SNTB1: variants seen among roughly 807,000 people sequenced by gnomAD.
SNTB1 encodes syntrophin beta 1.
A neutral mutation model predicts 48.9 loss-of-function variants in SNTB1; 36 were observed. The ratio of observed to expected loss-of-function variants is 0.74; its 90% CI spans 0.56 to 0.97. The LOEUF is 0.97. Among genes scored for constraint, SNTB1 ranks in the 50% least tolerant of loss-of-function variants. SNTB1 has a pLI of 0.00. For missense variants in SNTB1, 786 were observed against 703.4 expected (o/e 1.12, Z -1.33); for synonymous variants, 299 against 294.6 (o/e 1.01, Z -0.15).
chr8:120,686,335 T>C (rs899656437), intron 2 of SNTB1, among the ~76,000 whole-genome samples: 43 of 152,200 alleles, frequency 2.8e-4, no homozygotes, highest in Non-Finnish European at 8.8e-5. Context: ...TAAATTTTTT[T>C]CTCACAATTC....
At chr8:120,732,445 A>C (rs1390965428) in intron 1 of SNTB1, among the ~76,000 whole-genome samples, 1 of 152,230 alleles carries the variant, frequency 6.6e-6, no homozygotes, top group Admixed American at 6.5e-5. Flanking sequence ...TTGAGCATGA[A>C]AAGTTTCCTT....
intron 1 of SNTB1, among the ~76,000 whole-genome samples, chr8:120,742,494 G>A (rs73323123): frequency 6.6e-6 from 1 of 152,270 alleles, no homozygotes. Context: ...CAAAGGGATC[G>A]AGTCACAGGA....
chr8:120,601,526 A>G (rs1290928939), intron 3 of SNTB1, among the ~76,000 whole-genome samples: 2 of 152,194 alleles, frequency 1.3e-5, no homozygotes, highest in African/African-American at 4.8e-5. Context: ...TCAAAGACAC[A>G]GTTTTAAAGT....
chr8:120,696,784 A>G (rs1228229752), intron 1 of SNTB1, among the ~76,000 whole-genome samples: 1 of 152,256 alleles, frequency 6.6e-6, no homozygotes, highest in Non-Finnish European at 1.5e-5. Flanking sequence ...GTAAAGTTAT[A>G]TGGCTAGTAA....
rs539053079 is a variant in SNTB1, at chr8:120,538,814, T to C, written c.*63A>G. ...TGCGCTGCTCACTACAGATGGTGTC[T>C]GACATCACGTTCTCTGGTGGCATTG... On this transcript the variant is annotated 3_prime_UTR_variant, in exon 7 of 7. Transcript: ENST00000517992. 70 of 1,317,202 alleles carry C rather than the reference T, an allele frequency of 5.3e-5. 1 individual carries two copies. Among genetic ancestry groups the C allele is most frequent in the Non-Finnish European group, 7.3e-5 (66 of 909,836 alleles). The allele number at this position is 1,317,202 out of a possible 1,614,324, so 81.6% of individuals were successfully genotyped here. A position where few individuals can be genotyped will look rare whatever the true frequency, so the allele number is the denominator to read the frequency against.
intron 1 of SNTB1, among the ~76,000 whole-genome samples, chr8:120,735,334 G>A (rs1342709013): frequency 6.6e-6 from 1 of 152,176 alleles, no homozygotes; most frequent in Non-Finnish European, 1.5e-5. Context: ...CAAAAAGGGA[G>A]GCAGCAAGGC....
chr8:120,699,896 A>G (rs934604513), intron 1 of SNTB1, among the ~76,000 whole-genome samples: 3 of 152,218 alleles, frequency 2.0e-5, no homozygotes, highest in African/African-American at 7.2e-5. Flanking sequence ...ATTTTACAAC[A>G]CATAAATACA....
intron 1 of SNTB1, among the ~76,000 whole-genome samples, chr8:120,717,129 T>G (rs148005794): frequency 1.2e-4 from 18 of 152,302 alleles, no homozygotes; most frequent in African/African-American, 3.9e-4. Flanking sequence ...AAACTAATCA[T>G]AGGCTTGTAG....
chr8:120,796,005 C>T (rs1021111438), intron 1 of SNTB1, among the ~76,000 whole-genome samples: 1 of 152,000 alleles, frequency 6.6e-6, no homozygotes, highest in East Asian at 1.9e-4. Context: ...CCGCCTAAAT[C>T]TCATGTCAAT....
rs148869720 is a variant in SNTB1, at chr8:120,630,638, C to G, written c.996+1806G>C. Among the ~76,000 whole-genome samples, 305 of 152,280 alleles carry G rather than the reference C, an allele frequency of 2.0e-3. 1 individual carries two copies. Among genetic ancestry groups the G allele is most frequent in the African/African-American group, 7.1e-3 (294 of 41,546 alleles). On this transcript the variant is annotated intron_variant, in intron 3 of 6. Coordinates refer to ENST00000517992, the MANE Select transcript of SNTB1 (RefSeq NM_021021.4). ...TTCATCCCAATCAGCTCCTTCTCTT[C>G]TACAGTAAATGTTTGCTTTTGCTTC...
chr8:120,590,768 C>A (rs1187063151), intron 3 of SNTB1, among the ~76,000 whole-genome samples: 1 of 151,176 alleles, frequency 6.6e-6, no homozygotes, highest in Admixed American at 6.6e-5. Flanking sequence ...GCAACCTCCA[C>A]CTCCTGGGTC....
intron 2 of SNTB1, among the ~76,000 whole-genome samples, chr8:120,682,880 GT>G (rs759021409): frequency 3.1e-3 from 399 of 127,378 alleles, no homozygotes; most frequent in African/African-American, 7.6e-3. Context: ...TTTGTTTTTA[GT>G]TTTTTTTTTT....
At chr8:120,579,715 AAAC>A (rs1816013057) in intron 3 of SNTB1, among the ~76,000 whole-genome samples, 1 of 151,990 alleles carries the variant, frequency 6.6e-6, no homozygotes, top group Non-Finnish European at 1.5e-5. Context: ...AACAAACAAA[AAAC>A]CTAGAATCTT....
chr8:120,808,020 T>G (rs1230430188), intron 1 of SNTB1, among the ~76,000 whole-genome samples: 1 of 152,084 alleles, frequency 6.6e-6, no homozygotes, highest in African/African-American at 2.4e-5. Context: ...ATTCAAGAGA[T>G]TCTCCTGCCT....
chr8:120,739,485 A>G (rs996470101), intron 1 of SNTB1, among the ~76,000 whole-genome samples: 2 of 152,236 alleles, frequency 1.3e-5, no homozygotes, highest in Non-Finnish European at 2.9e-5. Flanking sequence ...TTTTCTGTAC[A>G]AGCATTTAGG....
chr8:120,612,174 TATA>T (rs1321821159), intron 3 of SNTB1, among the ~76,000 whole-genome samples: 1 of 152,244 alleles, frequency 6.6e-6, no homozygotes, highest in East Asian at 1.9e-4. Flanking sequence ...TAGTGGTCCT[TATA>T]ATAACAATAA....
At chr8:120,695,613 C>A (rs768640467) in intron 1 of SNTB1, among the ~76,000 whole-genome samples, 2 of 151,960 alleles carry the variant, frequency 1.3e-5, no homozygotes, top group Non-Finnish European at 1.5e-5. Flanking sequence ...GAATAAAATA[C>A]CTTGGAAGAA....
intron 4 of SNTB1, among the ~76,000 whole-genome samples, chr8:120,566,668 A>C (rs747468363): frequency 3.9e-5 from 6 of 152,198 alleles, no homozygotes; most frequent in Non-Finnish European, 5.9e-5. Flanking sequence ...CTGTGTCAGA[A>C]ACACCTGGAG....
chr8:120,798,209 C>A (rs1038082175), intron 1 of SNTB1, among the ~76,000 whole-genome samples: 3 of 151,918 alleles, frequency 2.0e-5, no homozygotes, highest in Admixed American at 6.6e-5. Flanking sequence ...AACTTTTAAA[C>A]CTTCTAAGGC....
Sources: gnomAD v4.1 joint callset for allele counts (sites outside exome capture counted in the v4.1 genomes callset) on GRCh38, gnomAD v4.1.1 for gene constraint, MANE v1.5 for transcripts, NCBI Gene and HGNC (gene_info 2026-07-23, HGNC 2026-07-21) for gene names.